Variants in ARL10 observed in about 807,000 individuals in gnomAD.
ARL10 encodes the protein ADP-ribosylation factor-like protein 10.
A neutral mutation model predicts 26.1 loss-of-function variants in ARL10; 23 were observed. The ratio of observed to expected loss-of-function variants is 0.88; its 90% CI spans 0.63 to 1.25. The LOEUF (loss-of-function observed/expected upper bound fraction) is 1.25. ARL10 is among the 50% of genes most tolerant of loss of function. The probability of loss-of-function intolerance (pLI) is 0.00; values close to 1 mark genes in which losing one functional copy is unlikely to be tolerated. For synonymous variants in ARL10, 138 were observed against 149.1 expected (o/e 0.93, Z 0.54); for missense variants, 300 against 323.6 (o/e 0.93, Z 0.56).
At chr5:176,410,258 T>C in the ARL10 span, 2 of 1,613,838 alleles carry the variant, frequency 1.2e-6, no homozygotes, top group Non-Finnish European at 8.5e-7. Context: ...CTTGCTTACC[T>C]GAAACACATC....
rs1440346446 is a variant in ARL10 at position 176,365,621 on chromosome 5, C to A, written c.58C>A (p.Leu20Met). The A allele has an allele frequency of 2.4e-6, 3 of 1,260,566 alleles. No individual in the cohort carries two copies. Among genetic ancestry groups the A allele is most frequent in the Non-Finnish European group, 3.0e-6 (3 of 1,003,858 alleles). 78.1% of individuals were successfully genotyped at this position (1,260,566 alleles called of 1,614,324 possible). A position where few individuals can be genotyped will look rare whatever the true frequency, so the allele number is the denominator to read the frequency against. Residue 20 changes from leucine (L) to methionine (M), a missense_variant, in exon 1 of 4, where the codon CTG becomes ATG. Transcript: ENST00000310389. ...VLALGGAAAV[L>M]GSVLFILWKT... is the part of the protein sequence containing the mutation. ...GGCGCTGGGCGGCGCCGCGGCGGTG[C>A]TGGGCTCGGTGCTCTTCATCCTCTG... is the stretch of plus-strand genomic sequence containing the variant.
downstream of ARL10, chr5:176,384,036 G>A: frequency 6.5e-7 from 1 of 1,543,484 alleles, no homozygotes; most frequent in Non-Finnish European, 8.7e-7. Context: ...ACCCCCAGAT[G>A]AATATAAATT....
In ARL10 at chr5:176,372,894, T is replaced by C. The variant is rs971816538; in HGVS notation, c.*999T>C. On this transcript the variant is annotated 3_prime_UTR_variant, in exon 4 of 4. Transcript: ENST00000310389. ...ATGACAGTCATAGAAAATTTGGAAC[T>C]TAGGAAAATAGCTGGAATCATGAAT... 5.0e-6 allele frequency: 2 copies of C among 398,554 alleles called. No homozygotes were observed. The highest frequency in any genetic ancestry group is 4.4e-5 in the Admixed American group (1 of 22,716). 24.7% of individuals were successfully genotyped at this position (398,554 alleles called of 1,614,324 possible).
downstream of ARL10, among the ~76,000 whole-genome samples, chr5:176,390,478 G>A (rs1374228801): frequency 6.6e-6 from 1 of 152,138 alleles, no homozygotes; most frequent in Non-Finnish European, 1.5e-5. Flanking sequence ...CAGCCAGGCT[G>A]GAGTGCAGTG....
At chr5:176,400,465 C>T (rs1756763255) in intron 1 of ARL10, among the ~76,000 whole-genome samples, 1 of 152,148 alleles carries the variant, frequency 6.6e-6, no homozygotes, top group African/African-American at 2.4e-5. Flanking sequence ...CAGGCAGGGG[C>T]TCTGCTCACG....
rs1768706822 is a variant in ARL10 at position 176,377,091 on chromosome 5, T to A, written c.*5196T>A. The A allele has an allele frequency of 6.6e-6, 1 of 152,202 alleles. No homozygotes were observed. Among genetic ancestry groups the A allele is most frequent in the African/African-American group, 2.4e-5 (1 of 41,444 alleles). The allele number at this position is 152,202 out of a possible 1,614,324, so 9.4% of individuals were successfully genotyped here. A position where few individuals can be genotyped will look rare whatever the true frequency, so the allele number is the denominator to read the frequency against. Reference sequence around the variant, plus strand: ...TCTGTTAGGAGCACAGGCTTTCTAGTAACTATTTCATAGGGGTCAATCTGT... The same window carrying A: ...TCTGTTAGGAGCACAGGCTTTCTAGAAACTATTTCATAGGGGTCAATCTGT... On this transcript the variant is annotated 3_prime_UTR_variant, in exon 4 of 4. Coordinates refer to ENST00000310389, the MANE Select transcript of ARL10 (RefSeq NM_173664.6). The surrounding 1 kb of genome is among the most constrained non-coding windows in gnomAD (Gnocchi z 4.5).
At chr5:176,412,652 T>A in the ARL10 span, among the ~76,000 whole-genome samples, 1 of 152,182 alleles carries the variant, frequency 6.6e-6, no homozygotes, top group African/African-American at 2.4e-5. Flanking sequence ...GGAAGGGTAC[T>A]TAATCCCATG....
intron 1 of ARL10, among the ~76,000 whole-genome samples, chr5:176,398,350 T>C (rs192734246): frequency 2.8e-4 from 42 of 152,262 alleles, no homozygotes; most frequent in Non-Finnish European, 5.1e-4. Flanking sequence ...GCCACTTTCT[T>C]TGTCATAAAA....
intron 1 of ARL10, among the ~76,000 whole-genome samples, chr5:176,401,390 A>G (rs886814064): frequency 2.0e-5 from 3 of 152,224 alleles, no homozygotes; most frequent in Non-Finnish European, 2.9e-5. Flanking sequence ...ACCACCACCC[A>G]ATCCCCACTC....
chr5:176,414,432 CTT>C, the ARL10 span, among the ~76,000 whole-genome samples: 590 of 134,628 alleles, frequency 4.4e-3, no homozygotes, highest in African/African-American at 0.012. Flanking sequence ...GCTATAGAAT[CTT>C]TTTTTTTTTT....
Position 176,396,427 on chromosome 5 carries a change from G to C in ARL10, c.134-5314G>C, listed in dbSNP as rs527975677. 23 of 1,457,792 alleles carry C rather than the reference G, an allele frequency of 1.6e-5. No homozygotes were observed. The East Asian group carries it at 5.2e-4, about 33-fold the overall frequency. The allele number at this position is 1,457,792 out of a possible 1,614,324, so 90.3% of individuals were successfully genotyped here. On this transcript the variant is annotated intron_variant, in intron 1 of 1. Transcript: ENST00000514533. ...CAAGCAGGAAACTCAAGAAACTGTG[G>C]TGGCCATTCCCTCTCTAGCTCCCCC...
chr5:176,386,667 A>T (rs1383678881), downstream of ARL10: 4 of 709,206 alleles, frequency 5.6e-6, no homozygotes, highest in Non-Finnish European at 7.8e-6. Context: ...TAGTCAGTAC[A>T]ATGAAAAATG....
At position 176,366,451 on chromosome 5, in the gene ARL10, G is replaced by A. The variant is rs768066807; in HGVS notation, c.255G>A (p.Leu85=). 4 of 1,613,564 alleles carry A rather than the reference G, an allele frequency of 2.5e-6. No individual in the cohort carries two copies. The African/African-American group carries it at 5.3e-5, about 22-fold the overall frequency. Residue 85 remains leucine (L), a synonymous_variant, in exon 2 of 4, where the codon CTG becomes CTA. Coordinates refer to ENST00000310389, the MANE Select transcript of ARL10 (RefSeq NM_173664.6). ...AGCGCGAGGTGCTGGTGCTGGGGCTGGATGGCGCAGGCAAGAGCACGTTCC... is the reference window on the plus strand; with the variant it reads ...AGCGCGAGGTGCTGGTGCTGGGGCTAGATGGCGCAGGCAAGAGCACGTTCC... ...LEQREVLVLG[L]DGAGKSTFLR...
At chr5:176,384,236 C>T (rs1477959866), downstream of ARL10, 2 of 1,614,084 alleles carry the variant, frequency 1.2e-6, no homozygotes, top group East Asian at 2.2e-5. Context: ...ACCAGTCACT[C>T]CACCTCCATC....
the ARL10 span, among the ~76,000 whole-genome samples, chr5:176,408,087 G>A: frequency 1.3e-5 from 2 of 152,218 alleles, no homozygotes; most frequent in African/African-American, 4.8e-5. Context: ...GGGGGGCCGA[G>A]GTGAGGACTA....
intron 1 of ARL10, chr5:176,396,643 G>A: frequency 1.3e-6 from 1 of 788,618 alleles, no homozygotes; most frequent in Middle Eastern, 2.5e-4. Context: ...TACCTCCAGT[G>A]GGAGAAATGT....
chr5:176,404,300 T>C (rs183781008), downstream of ARL10, among the ~76,000 whole-genome samples: 16 of 152,332 alleles, frequency 1.1e-4, no homozygotes, highest in African/African-American at 3.8e-4. Flanking sequence ...ATGGCCCGCC[T>C]TCCTCTGGGA....
downstream of ARL10, among the ~76,000 whole-genome samples, chr5:176,404,128 G>T (rs1191376785): frequency 2.0e-5 from 3 of 152,218 alleles, no homozygotes; most frequent in African/African-American, 7.2e-5. Context: ...GCCAGGAAGT[G>T]GCAGAACCAG....
At chr5:176,400,740 T>C (rs1338250566) in intron 1 of ARL10, among the ~76,000 whole-genome samples, 1 of 152,226 alleles carries the variant, frequency 6.6e-6, no homozygotes, top group Non-Finnish European at 1.5e-5. Context: ...CTTCCATGAC[T>C]GCCCGCGTTG....
Sources: gnomAD v4.1 joint callset for allele counts (sites outside exome capture counted in the v4.1 genomes callset) on GRCh38, gnomAD v4.1.1 for gene constraint, Gnocchi (gnomAD v3.1) non-coding constraint, MANE v1.5 for transcripts, NCBI Gene and HGNC (gene_info 2026-07-23, HGNC 2026-07-21) for gene names.